CNTN5: variants seen among roughly 807,000 people sequenced by gnomAD.
The protein encoded by CNTN5 is contactin-5.
A neutral mutation model predicts 129.1 loss-of-function variants in CNTN5; 77 were observed. The observed-to-expected ratio is 0.60, with a 90% CI of 0.50 to 0.72. The LOEUF (loss-of-function observed/expected upper bound fraction) is 0.72. Ranked by LOEUF, CNTN5 falls within the 30% of genes least tolerant of loss-of-function variation. The probability of loss-of-function intolerance (pLI) is 0.00; values close to 1 mark genes in which losing one functional copy is unlikely to be tolerated. For synonymous variants in CNTN5, 509 were observed against 465.6 expected, an observed-to-expected ratio of 1.09 and a Z score of -1.20; for missense variants, 1,478 against 1,328.8, an observed-to-expected ratio of 1.11 and a Z score of -1.75.
intron 1 of CNTN5, among the ~76,000 whole-genome samples, chr11:99,228,678 T>C (rs1860821425): frequency 6.6e-6 from 1 of 152,066 alleles, no homozygotes; most frequent in Non-Finnish European, 1.5e-5. Flanking sequence ...TTTTAAATAT[T>C]ATTCTTTTTT....
At chr11:99,962,279 G>A (rs1349017122) in intron 8 of CNTN5, among the ~76,000 whole-genome samples, 1 of 151,714 alleles carries the variant, frequency 6.6e-6, no homozygotes, top group Non-Finnish European at 1.5e-5. Context: ...TTTAACATTA[G>A]GTATATCTCC....
intron 16 of CNTN5, among the ~76,000 whole-genome samples, chr11:100,254,731 C>A (rs1950033438): frequency 6.6e-6 from 1 of 152,188 alleles, no homozygotes; most frequent in South Asian, 2.1e-4. Flanking sequence ...CAGCATGCAA[C>A]CATTTCTTAG....
intron 1 of CNTN5, among the ~76,000 whole-genome samples, chr11:99,070,636 A>G (rs1865305116): frequency 6.6e-6 from 1 of 152,112 alleles, no homozygotes; most frequent in Non-Finnish European, 1.5e-5. Context: ...TTATATTTAT[A>G]TGATCTTTTT....
At chr11:99,440,128 C>T (rs540524160) in intron 2 of CNTN5, among the ~76,000 whole-genome samples, 12 of 152,134 alleles carry the variant, frequency 7.9e-5, no homozygotes, top group African/African-American at 2.9e-4. Flanking sequence ...ACATTTTTTT[C>T]TATAACTTTC....
At chr11:99,540,655 G>A (rs17133758) in intron 2 of CNTN5, among the ~76,000 whole-genome samples, 22,411 of 152,140 alleles carry the variant, frequency 0.15, 2,575 homozygotes, top group East Asian at 0.63. Context: ...GTTTAGTCAT[G>A]GGAAGGAGCA....
At chr11:99,319,349 G>A (rs905089785) in intron 1 of CNTN5, among the ~76,000 whole-genome samples, 3 of 152,164 alleles carry the variant, frequency 2.0e-5, no homozygotes, top group African/African-American at 4.8e-5. Context: ...TCGCCCATTG[G>A]TGTTTGATTC....
rs1392014803 is a variant in CNTN5, at chr11:99,934,925, T to G, written c.673+18776T>G. On this transcript the variant is annotated intron_variant, in intron 7 of 24. Coordinates refer to ENST00000524871, the MANE Select transcript of CNTN5 (RefSeq NM_014361.4). ...ATATATATATATATATATATATATATATATATATATATATATATATATACA... is the reference window on the plus strand; with the variant it reads ...ATATATATATATATATATATATATAGATATATATATATATATATATATACA... 9.5e-5 allele frequency among the ~76,000 whole-genome samples: 7 copies of G among 73,528 alleles called. No homozygotes were observed. In the South Asian group the frequency reaches 2.8e-3, roughly 29 times the overall value. 48.2% of individuals were successfully genotyped at this position (73,528 alleles called of 152,430 possible). A position where few individuals can be genotyped will look rare whatever the true frequency, so the allele number is the denominator to read the frequency against.
At chr11:99,401,464 T>C (rs568741370) in intron 2 of CNTN5, among the ~76,000 whole-genome samples, 5 of 152,096 alleles carry the variant, frequency 3.3e-5, no homozygotes, top group African/African-American at 1.2e-4. Flanking sequence ...CAGTACAATA[T>C]CATGTTATTT....
At chr11:99,916,435 A>G (rs1306109332) in intron 7 of CNTN5, among the ~76,000 whole-genome samples, 3 of 152,140 alleles carry the variant, frequency 2.0e-5, no homozygotes, top group Admixed American at 2.0e-4. Context: ...GCACAAAGGA[A>G]GCGATAAACT....
intron 1 of CNTN5, among the ~76,000 whole-genome samples, chr11:99,086,582 G>A (rs889323361): frequency 5.9e-5 from 9 of 152,244 alleles, no homozygotes; most frequent in African/African-American, 1.7e-4. Flanking sequence ...ATGATTCACT[G>A]GGCAGGGATT....
At chr11:99,173,997 G>T in intron 1 of CNTN5, among the ~76,000 whole-genome samples, 1 of 134,240 alleles carries the variant, frequency 7.4e-6, no homozygotes, top group African/African-American at 2.8e-5. Context: ...CGTCAAAAAT[G>T]CCTTTTGTGT....
chr11:99,672,489 T>A (rs554453081), intron 3 of CNTN5, among the ~76,000 whole-genome samples: 2 of 151,882 alleles, frequency 1.3e-5, no homozygotes, highest in East Asian at 3.9e-4. Flanking sequence ...GCTGCAAGGC[T>A]TACTTCTCTG....
intron 13 of CNTN5, among the ~76,000 whole-genome samples, chr11:100,114,914 G>A (rs1004584490): frequency 9.2e-4 from 139 of 151,822 alleles, no homozygotes; most frequent in African/African-American, 3.2e-3. Flanking sequence ...CACAAAGACA[G>A]GTAAGAACTG....
At chr11:99,479,562 T>A (rs1945510645) in intron 2 of CNTN5, among the ~76,000 whole-genome samples, 1 of 151,986 alleles carries the variant, frequency 6.6e-6, no homozygotes, top group Non-Finnish European at 1.5e-5. Context: ...TAAGCAATGA[T>A]CATACTTTTC....
chr11:99,511,076 TA>T (rs934462370), intron 2 of CNTN5, among the ~76,000 whole-genome samples: 2 of 146,580 alleles, frequency 1.4e-5, no homozygotes, highest in East Asian at 2.3e-4. Flanking sequence ...GCGTAAACAT[TA>T]AAAAAAATTA....
chr11:99,164,141 C>A (rs1860759047), intron 1 of CNTN5, among the ~76,000 whole-genome samples: 1 of 151,936 alleles, frequency 6.6e-6, no homozygotes, highest in Admixed American at 6.6e-5. Context: ...GCCTGGCCAA[C>A]ATGGTGAAAC....
At chr11:99,945,949 A>T (rs1325076215) in intron 7 of CNTN5, among the ~76,000 whole-genome samples, 1 of 152,032 alleles carries the variant, frequency 6.6e-6, no homozygotes. Context: ...AGAAGGCATA[A>T]GTACAAGCAT....
intron 3 of CNTN5, among the ~76,000 whole-genome samples, chr11:99,701,026 A>G (rs968976344): frequency 2.0e-5 from 3 of 151,278 alleles, no homozygotes; most frequent in African/African-American, 4.8e-5. Flanking sequence ...ATGAAGTGAA[A>G]TATCTATTTA....
chr11:99,204,642 C>T (rs1004163364), intron 1 of CNTN5, among the ~76,000 whole-genome samples: 1 of 152,078 alleles, frequency 6.6e-6, no homozygotes, highest in African/African-American at 2.4e-5. Flanking sequence ...GATCAGTGTG[C>T]AATGGAAGAG....
Sources: gnomAD v4.1 joint callset for allele counts (sites outside exome capture counted in the v4.1 genomes callset) on GRCh38, gnomAD v4.1.1 for gene constraint, MANE v1.5 for transcripts, NCBI Gene and HGNC (gene_info 2026-07-23, HGNC 2026-07-21) for gene names.